Variants in LRP2 observed in about 807,000 individuals in gnomAD.
LRP2 encodes LDL receptor related protein 2.
Under a neutral mutation model 531.0 loss-of-function variants are expected in LRP2, and 172 were observed. The observed-to-expected ratio is 0.32, with a 90% CI of 0.29 to 0.37. LRP2 has a LOEUF of 0.37. LRP2 is among the 10% of genes least tolerant of loss of function. The probability of loss-of-function intolerance (pLI) is 1.00; values close to 1 mark genes in which losing one functional copy is unlikely to be tolerated. For synonymous variants in LRP2, 1,992 were observed against 2,027.6 expected, an observed-to-expected ratio of 0.98 and a Z score of 0.47; for missense variants, 5,167 against 5,868.3, an observed-to-expected ratio of 0.88 and a Z score of 3.90.
rs1214433409 is a variant in LRP2 at position 169,248,733 on chromosome 2, C to T, written c.2771-1218G>A. The stretch of plus-strand genomic sequence containing the variant: ...TTTCCATCTGAGGTACCGGGTTCAT[C>T]TCACTAGGGAGTGCCAGACAGTGGG... On this transcript the variant is annotated intron_variant, in intron 19 of 78. Transcript: ENST00000649046. Among the ~76,000 whole-genome samples the T allele has an allele frequency of 3.0e-5, 4 of 131,902 alleles. 1 individual carries two copies. Among genetic ancestry groups the T allele is most frequent in the Non-Finnish European group, 6.5e-5 (4 of 61,140 alleles). 86.5% of individuals were successfully genotyped at this position (131,902 alleles called of 152,430 possible).
At chr2:169,228,988 G>A (rs1689302815) in intron 31 of LRP2, among the ~76,000 whole-genome samples, 1 of 152,200 alleles carries the variant, frequency 6.6e-6, no homozygotes, top group African/African-American at 2.4e-5. Flanking sequence ...TGGAGAGCTT[G>A]TCATTCACTC....
chr2:169,330,590 A>G (rs1377841220), intron 1 of LRP2, among the ~76,000 whole-genome samples: 1 of 152,212 alleles, frequency 6.6e-6, no homozygotes, highest in Non-Finnish European at 1.5e-5. Context: ...GGTTCTTCAG[A>G]GGACGCTATC....
chr2:169,299,923 A>G (rs1476947013), intron 4 of LRP2, among the ~76,000 whole-genome samples: 2 of 152,146 alleles, frequency 1.3e-5, no homozygotes, highest in Non-Finnish European at 2.9e-5. Flanking sequence ...ACTCATCAGC[A>G]AATCATTGCT....
chr2:169,340,683 C>A (rs1174042751), intron 1 of LRP2, among the ~76,000 whole-genome samples: 1 of 152,142 alleles, frequency 6.6e-6, no homozygotes, highest in Non-Finnish European at 1.5e-5. Flanking sequence ...ACTGTGGAGC[C>A]TGTGTCTCTA....
intron 9 of LRP2, among the ~76,000 whole-genome samples, chr2:169,283,632 T>A (rs1242381786): frequency 6.6e-6 from 1 of 152,206 alleles, no homozygotes; most frequent in Non-Finnish European, 1.5e-5. Flanking sequence ...AAGGTCTATT[T>A]ACCCAGCTGT....
At chr2:169,129,153 T>C in intron 77 of LRP2, 69 bp from the exon 78 acceptor site, 1 of 1,150,648 alleles carries the variant, frequency 8.7e-7, no homozygotes, top group Non-Finnish European at 1.3e-6. Context: ...TTTCCTCCTG[T>C]CTCAGTTTTA....
At chr2:169,240,879 A>G (rs969593007) in intron 25 of LRP2, 109 bp downstream of exon 25, 1 of 1,325,950 alleles carries the variant, frequency 7.5e-7, no homozygotes, top group African/African-American at 1.4e-5. Context: ...TCATAGAGGA[A>G]CTGAAATCCT....
At chr2:169,220,237 T>C (rs1322070524) in intron 34 of LRP2, among the ~76,000 whole-genome samples, 1 of 152,242 alleles carries the variant, frequency 6.6e-6, no homozygotes, top group African/African-American at 2.4e-5. Context: ...AATCCAGTGT[T>C]GTTCATTTGA....
intron 21 of LRP2, 66 bp from the exon 22 acceptor site, chr2:169,244,998 T>A (rs1689951942): frequency 1.3e-6 from 2 of 1,587,540 alleles, no homozygotes; most frequent in Non-Finnish European, 1.7e-6. Context: ...AGTTCTTGCC[T>A]TATAAAGGCT....
intron 16 of LRP2, among the ~76,000 whole-genome samples, chr2:169,270,526 T>C (rs1683378486): frequency 6.8e-6 from 1 of 146,150 alleles, no homozygotes; most frequent in Non-Finnish European, 1.5e-5. Flanking sequence ...AAACACCACA[T>C]GTTCTCACTC....
intron 1 of LRP2, among the ~76,000 whole-genome samples, chr2:169,330,597 T>C (rs1466566966): frequency 6.6e-6 from 1 of 152,232 alleles, no homozygotes; most frequent in Non-Finnish European, 1.5e-5. Context: ...CAGAGGACGC[T>C]ATCGCCATTT....
intron 1 of LRP2, among the ~76,000 whole-genome samples, chr2:169,325,722 G>A (rs1685030404): frequency 6.6e-6 from 1 of 152,108 alleles, no homozygotes; most frequent in Admixed American, 6.5e-5. Flanking sequence ...AAACCAACCT[G>A]CTAGTCTCTT....
rs111651562 is a variant in LRP2, at chr2:169,315,795, A to G, written c.310+2967T>C. ...GAGGCCAACCCAGAGACTACTGCTG[A>G]CACCCAAATGAGAGATGTTGGCAGT... On this transcript the variant is annotated intron_variant, in intron 3 of 78. Coordinates refer to ENST00000649046, the MANE Select transcript of LRP2 (RefSeq NM_004525.3). Among the ~76,000 whole-genome samples the G allele has an allele frequency of 2.6e-3, 394 of 152,112 alleles. 2 individuals are homozygous for G. The highest frequency in any genetic ancestry group is 8.9e-3 in the African/African-American group (369 of 41,494).
intron 1 of LRP2, among the ~76,000 whole-genome samples, chr2:169,355,976 G>A (rs1376541153): frequency 1.3e-5 from 2 of 152,020 alleles, no homozygotes; most frequent in Non-Finnish European, 2.9e-5. Context: ...CTGTAGCCTC[G>A]ACCTCCTGGG....
intron 20 of LRP2, 34 bp downstream of exon 20, chr2:169,247,344 A>C (rs1690048436): frequency 6.2e-7 from 1 of 1,611,472 alleles, no homozygotes; most frequent in African/African-American, 1.3e-5. Context: ...AAACCCATAC[A>C]AAAAAATAAA....
chr2:169,318,961 G>C, intron 2 of LRP2, 77 bp from the exon 3 acceptor site: 2 of 1,572,112 alleles, frequency 1.3e-6, no homozygotes, highest in Non-Finnish European at 8.7e-7. Context: ...TGTTCCAGAA[G>C]AGTGTATCAT....
intron 16 of LRP2, among the ~76,000 whole-genome samples, chr2:169,269,203 C>T (rs1683327404): frequency 6.6e-6 from 1 of 152,122 alleles, no homozygotes; most frequent in Admixed American, 6.5e-5. Flanking sequence ...GATTCAATGC[C>T]ATCCCCATCA....
chr2:169,201,748 T>G lies in LRP2; in HGVS notation c.8332A>C (p.Arg2778=). ...AACTCCGTGGTGGCATTGCAGTCCC[T>G]GAACAGGCACCCTGCCTCATCACTG... ...DGSDEAGCLF[R]DCNATTEFMC... Residue 2778 remains arginine, a synonymous_variant, in exon 44 of 79, where the codon AGG becomes CGG. Transcript: ENST00000649046. 2 of 1,614,228 alleles carry G rather than the reference T, an allele frequency of 1.2e-6. No homozygotes were observed. Among genetic ancestry groups the G allele is most frequent in the Non-Finnish European group, 1.7e-6 (2 of 1,180,036 alleles).
Position 169,139,548 on chromosome 2 carries a change from C to T in LRP2, c.13262G>A (p.Gly4421Glu). ...CTCACATTCTTAAAACTTACTTGTT[C>T]CTGGAGAGATGCCTTTTGAAAACGC... ...EMAFSKGISP[G>E]TTAVAVLLTI... The change falls in exon 73 of 79, where the codon GGA becomes GAA. Residue 4421 changes from glycine to glutamate, a missense_variant. Physicochemically the swap from Gly to Glu is moderately conservative, Grantham distance 98. Around this residue, in one of 6 missense-constraint regions of LRP2, gnomAD observed 348 missense variants for 369.3 expected, o/e 0.94. Transcript: ENST00000649046. 2 of 1,614,174 alleles carry T rather than the reference C, an allele frequency of 1.2e-6. No homozygotes were observed. The highest frequency in any genetic ancestry group is 1.7e-6 in the Non-Finnish European group (2 of 1,180,022).
Sources: allele counts gnomAD v4.1 joint callset (sites outside exome capture counted in the v4.1 genomes callset), GRCh38; gene constraint gnomAD v4.1.1; regional missense constraint gnomAD v4.1.1; transcripts MANE v1.5; gene names NCBI Gene and HGNC (gene_info 2026-07-23, HGNC 2026-07-21).